The following CSMD1 variants were observed in gnomAD, a reference collection of about 807,000 sequenced individuals.
The protein encoded by CSMD1 is CUB and Sushi multiple domains 1.
CSMD1 carries 213 observed loss-of-function variants against 417.5 expected under a neutral mutation model. The observed-to-expected ratio is 0.51, with a 90% CI of 0.46 to 0.57. The LOEUF (loss-of-function observed/expected upper bound fraction) is 0.57. Among genes scored for constraint, CSMD1 ranks in the 20% least tolerant of loss-of-function variants. CSMD1 has a pLI of 0.00. For synonymous variants in CSMD1, 2,862 were observed against 1,736.8 expected, an observed-to-expected ratio of 1.65 and a Z score of -16.11; for missense variants, 6,923 against 4,529.7, an observed-to-expected ratio of 1.53 and a Z score of -15.17.
chr8:3,920,460 G>C lies in CSMD1; in HGVS notation c.818+77443C>G, dbSNP rs528846141. On this transcript the variant is annotated intron_variant, in intron 5 of 69. Transcript: ENST00000635120. ...TTTTACTTCTTACTTTCCAATTTGA[G>C]TGCCTTTTATTCTTTTACTTTCCTA... is the stretch of plus-strand genomic sequence containing the variant. Among the ~76,000 whole-genome samples, 28 of 152,104 alleles carry C rather than the reference G, an allele frequency of 1.8e-4. No individual in the cohort carries two copies. In the South Asian group the frequency reaches 2.7e-3, roughly 15 times the overall value.
intron 26 of CSMD1, 117 bp from the exon 27 acceptor site, chr8:3,230,348 C>T (rs1442404): frequency 0.077 from 54,053 of 697,998 alleles, 2,428 homozygotes; most frequent in Non-Finnish European, 0.093. Context: ...AGTCATTTGT[C>T]TACACATGAA....
intron 1 of CSMD1, among the ~76,000 whole-genome samples, chr8:4,808,093 C>A (rs186177956): frequency 1.8e-4 from 28 of 152,266 alleles, no homozygotes; most frequent in African/African-American, 6.3e-4. Flanking sequence ...TATTAGCATG[C>A]TTACTTGCAA....
intron 3 of CSMD1, among the ~76,000 whole-genome samples, chr8:4,043,011 A>G (rs1797971463): frequency 6.6e-6 from 1 of 151,892 alleles, no homozygotes; most frequent in South Asian, 2.1e-4. Flanking sequence ...TTGCACCTGT[A>G]GTCCCAGCTA....
chr8:4,601,258 AT>A (rs766555300), intron 2 of CSMD1, among the ~76,000 whole-genome samples: 2 of 152,078 alleles, frequency 1.3e-5, no homozygotes, highest in Admixed American at 6.6e-5. Flanking sequence ...ACCTGGCCAG[AT>A]TTTTTTTAAA....
At chr8:4,794,405 T>G (rs1470591473) in intron 1 of CSMD1, among the ~76,000 whole-genome samples, 1 of 152,188 alleles carries the variant, frequency 6.6e-6, no homozygotes, top group African/African-American at 2.4e-5. Flanking sequence ...AAGACACTAT[T>G]ACATTTAATT....
chr8:4,395,506 C>A (rs1804141092), intron 3 of CSMD1, among the ~76,000 whole-genome samples: 1 of 151,616 alleles, frequency 6.6e-6, no homozygotes, highest in African/African-American at 2.4e-5. Flanking sequence ...CCCCTCACTC[C>A]CTACACCAGT....
At chr8:3,744,586 G>A (rs570214104) in intron 6 of CSMD1, among the ~76,000 whole-genome samples, 12 of 152,264 alleles carry the variant, frequency 7.9e-5, no homozygotes, top group African/African-American at 2.9e-4. Context: ...ATGTAAATGT[G>A]GATGACTGTG....
chr8:3,555,114 C>G (rs1410400623), intron 10 of CSMD1, among the ~76,000 whole-genome samples: 1 of 152,000 alleles, frequency 6.6e-6, no homozygotes, highest in Non-Finnish European at 1.5e-5. Flanking sequence ...CAGGCAAACC[C>G]TGGCAGGCGC....
intron 2 of CSMD1, among the ~76,000 whole-genome samples, chr8:4,439,168 A>G (rs564087386): frequency 6.6e-6 from 1 of 152,312 alleles, no homozygotes; most frequent in African/African-American, 2.4e-5. Flanking sequence ...GATTATTTCA[A>G]TTAAGTAAAT....
At chr8:4,973,709 T>G (rs1472552397) in intron 1 of CSMD1, among the ~76,000 whole-genome samples, 2 of 152,230 alleles carry the variant, frequency 1.3e-5, no homozygotes, top group Admixed American at 1.3e-4. Context: ...CTTCAAGGCT[T>G]ATGTTGTGAT....
chr8:3,231,178 T>C (rs1276238623), intron 26 of CSMD1, among the ~76,000 whole-genome samples: 1 of 152,222 alleles, frequency 6.6e-6, no homozygotes, highest in Non-Finnish European at 1.5e-5. Flanking sequence ...TGCTGTGTAT[T>C]ATGTGTCGCA....
chr8:4,737,725 G>C (rs188860645), intron 1 of CSMD1, among the ~76,000 whole-genome samples: 107 of 152,282 alleles, frequency 7.0e-4, no homozygotes, highest in African/African-American at 2.5e-3. Context: ...TAAGCAATAG[G>C]TAATGGCTTA....
intron 3 of CSMD1, among the ~76,000 whole-genome samples, chr8:4,404,797 A>G (rs969378993): frequency 6.6e-5 from 10 of 152,194 alleles, no homozygotes; most frequent in East Asian, 1.9e-4. Context: ...CTTGAACTAA[A>G]TATGTTCTAT....
At chr8:3,495,814 T>C (rs1796339929) in intron 10 of CSMD1, among the ~76,000 whole-genome samples, 2 of 152,216 alleles carry the variant, frequency 1.3e-5, no homozygotes, top group Non-Finnish European at 2.9e-5. Context: ...TTTTAGTTCC[T>C]ACAGCATATG....
At chr8:4,554,625 C>T (rs1798011084) in intron 2 of CSMD1, among the ~76,000 whole-genome samples, 1 of 152,152 alleles carries the variant, frequency 6.6e-6, no homozygotes, top group Admixed American at 6.5e-5. Context: ...GTTGATTTTA[C>T]CTTATTGCTA....
At chr8:4,548,273 A>C (rs1797719422) in intron 2 of CSMD1, among the ~76,000 whole-genome samples, 1 of 152,208 alleles carries the variant, frequency 6.6e-6, no homozygotes, top group Admixed American at 6.5e-5. Context: ...AAAACTATCG[A>C]AAAAAGTTCA....
rs74927732 is a variant in CSMD1 at position 4,395,316 on chromosome 8, C to T, written c.415+24637G>A. ...TGCTAATTCTTCATAACTTCAGCCC[C>T]TTCGCTATTCTTAGTATCTGAGAGC... On this transcript the variant is annotated intron_variant, in intron 3 of 69. Transcript: ENST00000635120. Among the ~76,000 whole-genome samples, 465 of 152,324 alleles carry T rather than the reference C, an allele frequency of 3.1e-3. 4 individuals carry two copies. The highest frequency in any genetic ancestry group is 0.011 in the African/African-American group (450 of 41,566).
chr8:3,977,952 G>A (rs1410338040), intron 5 of CSMD1, among the ~76,000 whole-genome samples: 4 of 152,116 alleles, frequency 2.6e-5, no homozygotes, highest in East Asian at 1.9e-4. Flanking sequence ...CATGTGCACG[G>A]CTGCCTTTTA....
intron 49 of CSMD1, among the ~76,000 whole-genome samples, chr8:3,068,834 A>G (rs937190919): frequency 1.3e-5 from 2 of 152,128 alleles, no homozygotes; most frequent in Non-Finnish European, 2.9e-5. Flanking sequence ...TACCTCCAGC[A>G]TTGGGGATTA....
Sources: allele counts gnomAD v4.1 joint callset (sites outside exome capture counted in the v4.1 genomes callset), GRCh38; gene constraint gnomAD v4.1.1; transcripts MANE v1.5; gene names NCBI Gene and HGNC (gene_info 2026-07-23, HGNC 2026-07-21).